Variants in PHLDB2 observed in about 807,000 individuals in gnomAD.
PHLDB2 encodes pleckstrin homology like domain family B member 2, also known as pleckstrin homology-like domain family B member 2.
Under a neutral mutation model 123.6 loss-of-function variants are expected in PHLDB2, and 71 were observed. That is an observed-to-expected ratio of 0.57 (90% CI 0.47 to 0.70). The LOEUF is 0.70. PHLDB2 is among the 30% of genes least tolerant of loss of function. The probability of loss-of-function intolerance (pLI) is 0.00; values close to 1 mark genes in which losing one functional copy is unlikely to be tolerated. For synonymous variants in PHLDB2, 547 were observed against 541.6 expected (o/e 1.01, Z -0.14); for missense variants, 1,446 against 1,519.5 (o/e 0.95, Z 0.80).
intron 12 of PHLDB2, among the ~76,000 whole-genome samples, chr3:111,958,486 AG>A (rs2071190340): frequency 6.6e-6 from 1 of 152,222 alleles, no homozygotes; most frequent in Admixed American, 6.5e-5. Context: ...GAGACTTTTC[AG>A]GTCCAATTAG....
chr3:111,958,698 G>A (rs1559922873), intron 12 of PHLDB2: 1 of 455,832 alleles, frequency 2.2e-6, no homozygotes, highest in Non-Finnish European at 4.4e-6. Flanking sequence ...CTCTGGATAG[G>A]AAGGATTTAG....
chr3:111,943,015 G>A (rs1288725294), intron 8 of PHLDB2, among the ~76,000 whole-genome samples: 1 of 151,928 alleles, frequency 6.6e-6, no homozygotes. Context: ...TTCAGTGTTC[G>A]TGGCAAAATT....
intron 1 of PHLDB2, among the ~76,000 whole-genome samples, chr3:111,771,522 G>T (rs922759619): frequency 3.9e-5 from 6 of 152,014 alleles, no homozygotes; most frequent in African/African-American, 1.2e-4. Context: ...TGTATTTTTA[G>T]TAGAGATGGG....
Position 111,819,319 on chromosome 3 carries a change from C to T in PHLDB2, c.-48-26502C>T, listed in dbSNP as rs150270658. On this transcript the variant is annotated intron_variant, in intron 1 of 17. Transcript: ENST00000393923. ...ATCCTAGTTTACAACGACAAATCTT[C>T]GAGACTTCAAACATGTAGAATTGTA... is the stretch of plus-strand genomic sequence containing the variant. 3.4e-3 allele frequency among the ~76,000 whole-genome samples: 522 copies of T among 152,238 alleles called. 3 individuals are homozygous for T. Among genetic ancestry groups the T allele is most frequent in the African/African-American group, 0.012 (486 of 41,542 alleles).
chr3:111,855,449 C>T (rs1050171919), upstream of PHLDB2, among the ~76,000 whole-genome samples: 7 of 151,270 alleles, frequency 4.6e-5, no homozygotes, highest in East Asian at 1.9e-4. Context: ...CTCCCCCTCC[C>T]GCGCTTCCCT....
rs531497647 is a variant in PHLDB2 at position 111,758,314 on chromosome 3, G to A, written c.-49+25611G>A. Reference sequence around the variant, plus strand: ...TAAGCAACCCTGGGCAATGGTGGGTGCCCCTCCCCCAGCCTCGCTGCCACC... The same window carrying A: ...TAAGCAACCCTGGGCAATGGTGGGTACCCCTCCCCCAGCCTCGCTGCCACC... On this transcript the variant is annotated intron_variant, in intron 1 of 17. Transcript: ENST00000393923. Among the ~76,000 whole-genome samples the A allele has an allele frequency of 1.6e-4, 24 of 152,326 alleles. No individual in the cohort carries two copies. The South Asian group carries it at 4.8e-3, about 30-fold the overall frequency.
Position 111,962,246 on chromosome 3 carries a change from T to A in PHLDB2, c.3011T>A (p.Leu1004Gln). ...HSYKDQAFDT[L>Q]SLDSSDSMET... ...TACAAGGACCAGGCCTTTGATACTCTGAGCCTCGATAGCTCTGATAGCATG... is the reference window on the plus strand; with the variant it reads ...TACAAGGACCAGGCCTTTGATACTCAGAGCCTCGATAGCTCTGATAGCATG... The change falls in exon 13 of 18, where the codon CTG becomes CAG. Residue 1004 changes from leucine to glutamine, a missense_variant. Leu to Gln is a moderately radical substitution (Grantham distance 113). Around this residue, in one of 3 missense-constraint regions of PHLDB2, gnomAD observed 594 missense variants for 646.0 expected, o/e 0.92. Transcript: ENST00000431670. 6.3e-7 allele frequency: 1 copy of A among 1,579,884 alleles called. No individual in the cohort carries two copies. Among genetic ancestry groups the A allele is most frequent in the African/African-American group, 1.4e-5 (1 of 72,462 alleles).
intron 1 of PHLDB2, among the ~76,000 whole-genome samples, chr3:111,753,284 AT>A (rs1276926431): frequency 2.0e-5 from 3 of 147,654 alleles, no homozygotes; most frequent in African/African-American, 7.6e-5. Context: ...AAGTGTTCCT[AT>A]TTCTCCACAT....
At chr3:111,866,930 G>GGGGTGTGTGT (rs368134623) in intron 1 of PHLDB2, among the ~76,000 whole-genome samples, 29 of 126,066 alleles carry the variant, frequency 2.3e-4, no homozygotes, top group South Asian at 1.0e-3. Context: ...GTTTCTAAGG[G>GGGGTGTGTGT]GTGTGTGTGT....
At chr3:111,938,700 G>A (rs937929864) in intron 6 of PHLDB2, among the ~76,000 whole-genome samples, 8 of 152,264 alleles carry the variant, frequency 5.3e-5, no homozygotes, top group African/African-American at 1.9e-4. Flanking sequence ...CCTCTGGTCT[G>A]TACGTGTGCC....
At chr3:111,757,534 C>T (rs2059915359) in intron 1 of PHLDB2, among the ~76,000 whole-genome samples, 1 of 152,132 alleles carries the variant, frequency 6.6e-6, no homozygotes, top group Non-Finnish European at 1.5e-5. Context: ...TCCTGTAGCT[C>T]GGAGTAGTTT....
intron 1 of PHLDB2, among the ~76,000 whole-genome samples, chr3:111,837,175 G>A (rs1199385874): frequency 6.6e-6 from 1 of 152,166 alleles, no homozygotes; most frequent in African/African-American, 2.4e-5. Flanking sequence ...AACACAGTCT[G>A]CATAGAGTAA....
At chr3:111,927,431 T>C (rs1391975780) in intron 5 of PHLDB2, among the ~76,000 whole-genome samples, 4 of 152,204 alleles carry the variant, frequency 2.6e-5, no homozygotes, top group African/African-American at 9.7e-5. Context: ...GACATATCAC[T>C]GCGTCAATTC....
At chr3:111,861,343 A>C (rs2064827936) in intron 1 of PHLDB2, among the ~76,000 whole-genome samples, 1 of 152,198 alleles carries the variant, frequency 6.6e-6, no homozygotes, top group South Asian at 2.1e-4. Context: ...CTTACATTTA[A>C]TGGGGAAATT....
chr3:111,850,499 A>C (rs2064203059), intron 2 of PHLDB2, among the ~76,000 whole-genome samples: 1 of 152,222 alleles, frequency 6.6e-6, no homozygotes, highest in African/African-American at 2.4e-5. Flanking sequence ...ATAGTCATAA[A>C]TTCAAATGAG....
chr3:111,811,786 A>T (rs1375401257), intron 1 of PHLDB2, among the ~76,000 whole-genome samples: 1 of 152,196 alleles, frequency 6.6e-6, no homozygotes, highest in African/African-American at 2.4e-5. Context: ...TCTGCCAAAG[A>T]ATTATTAAAA....
chr3:111,752,805 C>A (rs534785562), intron 1 of PHLDB2, among the ~76,000 whole-genome samples: 4 of 151,736 alleles, frequency 2.6e-5, no homozygotes, highest in Non-Finnish European at 5.9e-5. Context: ...CCACTGCCCC[C>A]ACCCCACAAC....
At chr3:111,824,091 T>G (rs567732269) in intron 1 of PHLDB2, among the ~76,000 whole-genome samples, 7 of 152,358 alleles carry the variant, frequency 4.6e-5, no homozygotes, top group Admixed American at 3.3e-4. Context: ...TGCAGATAAC[T>G]TGAAACCATC....
intron 1 of PHLDB2, among the ~76,000 whole-genome samples, chr3:111,753,965 T>C (rs923319267): frequency 9.9e-5 from 15 of 152,212 alleles, no homozygotes; most frequent in East Asian, 3.8e-4. Flanking sequence ...GTTATAGATA[T>C]GCAGTGTTAT....
Sources: gnomAD v4.1 joint callset for allele counts (sites outside exome capture counted in the v4.1 genomes callset) on GRCh38, gnomAD v4.1.1 for gene constraint, gnomAD v4.1.1 regional missense constraint, MANE v1.5 for transcripts, NCBI Gene and HGNC (gene_info 2026-07-23, HGNC 2026-07-21) for gene names.